ARMCX4: variants seen among roughly 807,000 people sequenced by gnomAD.
ARMCX4 encodes armadillo repeat containing X-linked 4, also known as armadillo repeat-containing X-linked protein 4.
In ARMCX4, 3 loss-of-function variants were observed where a neutral mutation model predicts 34.7. The observed-to-expected ratio is 0.09, with a 90% CI of 0.04 to 0.22. The LOEUF (loss-of-function observed/expected upper bound fraction) is 0.22. Ranked by LOEUF, ARMCX4 falls within the 10% of genes least tolerant of loss-of-function variation. The probability of loss-of-function intolerance (pLI) is 1.00; values close to 1 mark genes in which losing one functional copy is unlikely to be tolerated. For synonymous variants in ARMCX4, 513 were observed against 632.8 expected (o/e 0.81, Z 2.84); for missense variants, 1,448 against 1,720.8 (o/e 0.84, Z 2.81).
chrX:101,512,858 A>G (rs1175808722), intron 11 of ARMCX4, among the ~76,000 whole-genome samples: 3 of 45,529 alleles, frequency 6.6e-5, no homozygotes, highest in Admixed American at 2.0e-4. Context: ...ATGTGTATAT[A>G]TGTATATATA....
intron 4 of ARMCX4, among the ~76,000 whole-genome samples, chrX:101,465,037 A>G (rs1932769320): frequency 8.9e-6 from 1 of 111,850 alleles, no homozygotes; most frequent in Non-Finnish European, 1.9e-5. Context: ...AATAGAATCT[A>G]TAATTAACAA....
chrX:101,448,285 A>G (rs1190476419), downstream of ARMCX4, among the ~76,000 whole-genome samples: 7 of 112,104 alleles, frequency 6.2e-5, no homozygotes, highest in Non-Finnish European at 1.3e-4. Context: ...GCTATTGTAA[A>G]TAGCACTGCA....
chrX:101,476,056 T>C (rs1933173384), intron 4 of ARMCX4, among the ~76,000 whole-genome samples: 1 of 111,211 alleles, frequency 9.0e-6, no homozygotes, highest in African/African-American at 3.3e-5. Context: ...CACTTGGTTT[T>C]AAAAAGTGCC....
At chrX:101,435,711 C>T (rs1477654363) in intron 2 of ARMCX4, among the ~76,000 whole-genome samples, 1 of 109,180 alleles carries the variant, frequency 9.2e-6, no homozygotes, top group Non-Finnish European at 1.9e-5. Context: ...GACATGAAGT[C>T]CTTGCCCATG....
chrX:101,523,607 G>T (rs914836731), intron 11 of ARMCX4, among the ~76,000 whole-genome samples: 4 of 111,655 alleles, frequency 3.6e-5, no homozygotes, highest in African/African-American at 1.3e-4. Context: ...AGACTTCACA[G>T]AATTAGTTCA....
chrX:101,459,672 A>G (rs189895480), intron 4 of ARMCX4, among the ~76,000 whole-genome samples: 34 of 112,248 alleles, frequency 3.0e-4, no homozygotes, highest in African/African-American at 1.1e-3. Flanking sequence ...ACAATTTTTT[A>G]AAAAAGGAAA....
chrX:101,525,874 T>G (rs1934960722), intron 11 of ARMCX4, among the ~76,000 whole-genome samples: 2 of 110,988 alleles, frequency 1.8e-5, no homozygotes, highest in South Asian at 7.5e-4. Context: ...TGTGTTTGAT[T>G]GATGAGAGAA....
intron 11 of ARMCX4, among the ~76,000 whole-genome samples, chrX:101,520,669 GT>G (rs1934832554): frequency 9.0e-6 from 1 of 111,156 alleles, no homozygotes; most frequent in African/African-American, 3.3e-5. Flanking sequence ...TGTTGAGAAT[GT>G]TTTTGTCTGT....
Position 101,493,472 on chromosome X carries a change from A to G in ARMCX4, c.4883A>G (p.Asp1628Gly), listed in dbSNP as rs1556010367. Residue 1628 changes from aspartate to glycine, a missense_variant, in exon 6 of 6, where the codon GAC becomes GGC. Asp to Gly is a moderately conservative substitution (Grantham distance 94, BLOSUM62 -1). Transcript: ENST00000423738. ...GGGGGAGCTAGGCCGGGGCCTGCAG[A>G]CCAGTCCAGTGGTGGGTCCTGGGCT... Reference protein sequence around the residue: ...VLGGARPGPADQSSGGSWAGT... With the variant: ...VLGGARPGPAGQSSGGSWAGT... The G allele has an allele frequency of 8.7e-7, 1 of 1,155,006 alleles. No individual in the cohort carries two copies.
At chrX:101,440,615 G>C (rs1407667972) in intron 2 of ARMCX4, among the ~76,000 whole-genome samples, 1 of 111,677 alleles carries the variant, frequency 9.0e-6, no homozygotes, top group Admixed American at 9.5e-5. Flanking sequence ...ACTTTGGTGG[G>C]CTCCACCTAG....
chrX:101,479,919 C>T (rs1020288117), intron 4 of ARMCX4, among the ~76,000 whole-genome samples: 1 of 110,396 alleles, frequency 9.1e-6, no homozygotes, highest in Non-Finnish European at 1.9e-5. Context: ...TTGTCTTCCC[C>T]GACACCAAAA....
intron 2 of ARMCX4, among the ~76,000 whole-genome samples, chrX:101,440,848 C>T (rs1555996686): frequency 9.0e-6 from 1 of 111,212 alleles, no homozygotes; most frequent in Non-Finnish European, 1.9e-5. Flanking sequence ...GTGGGAGTGA[C>T]CCGATTTTCC....
Position 101,494,529 on chromosome X carries a change from C to T in ARMCX4, c.5940C>T (p.Tyr1980=), listed in dbSNP as rs1482611274. Residue 1980 remains tyrosine, a synonymous_variant, in exon 6 of 6, where the codon TAC becomes TAT. Transcript: ENST00000423738. The part of the protein sequence containing the change: ...KSSESRGIYP[Y]MVPGAGMGSW... Reference sequence around the variant, plus strand: ...CTGAGTCAAGAGGCATATATCCGTACATGGTCCCTGGGGCAGGAATGGGGT... The same window carrying T: ...CTGAGTCAAGAGGCATATATCCGTATATGGTCCCTGGGGCAGGAATGGGGT... The T allele has an allele frequency of 1.2e-5, 14 of 1,153,766 alleles. No homozygotes were observed. The highest frequency in any genetic ancestry group is 1.5e-5 in the Non-Finnish European group (13 of 872,549).
intron 3 of ARMCX4, 84 bp from the exon 4 acceptor site, chrX:101,487,524 A>T: frequency 2.5e-6 from 1 of 394,470 alleles, no homozygotes; most frequent in Non-Finnish European, 4.1e-6. Flanking sequence ...GGCGAGGCAG[A>T]CATTGGGGTC....
At chrX:101,521,503 C>A (rs1363666605) in intron 11 of ARMCX4, among the ~76,000 whole-genome samples, 1 of 110,336 alleles carries the variant, frequency 9.1e-6, no homozygotes, top group Non-Finnish European at 1.9e-5. Context: ...TTTTAAAGAG[C>A]CAGACTTTGG....
chrX:101,497,292 A>G (rs782421746), downstream of ARMCX4, among the ~76,000 whole-genome samples: 8 of 109,970 alleles, frequency 7.3e-5, no homozygotes, highest in Non-Finnish European at 1.5e-4. Flanking sequence ...GCTGGAGTAC[A>G]ATGGCACGGT....
At chrX:101,436,076 G>T (rs1313848727) in intron 2 of ARMCX4, among the ~76,000 whole-genome samples, 1 of 110,846 alleles carries the variant, frequency 9.0e-6, no homozygotes, top group East Asian at 2.8e-4. Context: ...GTCAGGTAGC[G>T]TGATGCCTCC....
At chrX:101,429,494 C>A (rs999718443) in intron 2 of ARMCX4, among the ~76,000 whole-genome samples, 2 of 109,353 alleles carry the variant, frequency 1.8e-5, no homozygotes, top group African/African-American at 6.7e-5. Flanking sequence ...CGCCACCATG[C>A]CTGGCTAATT....
At chrX:101,506,033 G>T (rs1267192005) in intron 8 of ARMCX4, among the ~76,000 whole-genome samples, 1 of 111,240 alleles carries the variant, frequency 9.0e-6, no homozygotes, top group East Asian at 2.8e-4. Flanking sequence ...CATAGAGACG[G>T]GGTTTCACCA....
Sources: gnomAD v4.1 joint callset for allele counts (sites outside exome capture counted in the v4.1 genomes callset) on GRCh38, gnomAD v4.1.1 for gene constraint, MANE v1.5 for transcripts, NCBI Gene and HGNC (gene_info 2026-07-23, HGNC 2026-07-21) for gene names.